Variants in WDR24 observed in about 807,000 individuals in gnomAD.
WDR24 encodes the protein GATOR2 complex protein WDR24.
In WDR24, 32 loss-of-function variants were observed where a neutral mutation model predicts 66.7. The ratio of observed to expected loss-of-function variants is 0.48; its 90% CI spans 0.36 to 0.64. WDR24 has a LOEUF of 0.64. Among genes scored for constraint, WDR24 ranks in the 30% least tolerant of loss-of-function variants. The pLI is 0.00. For missense variants in WDR24, 978 were observed against 1,144.1 expected (o/e 0.85, Z 2.09); for synonymous variants, 565 against 469.1 (o/e 1.20, Z -2.64).
At chr16:686,023 C>G in intron 4 of WDR24, 33 bp from the exon 5 acceptor site, 1 of 1,612,722 alleles carries the variant, frequency 6.2e-7, no homozygotes, top group Non-Finnish European at 8.5e-7. Context: ...GGTGGGTGGG[C>G]TCGAGCAGCC....
Position 685,153 on chromosome 16 carries a change from G to T in WDR24, c.2043C>A (p.Ile681=). Residue 681 remains isoleucine (I), a synonymous_variant, in exon 8 of 9, where the codon ATC becomes ATA. Coordinates refer to ENST00000293883, the MANE Select transcript of WDR24 (RefSeq NM_032259.4). ...QTQEHWYTSY[I]DLLQRFRLWN... ...AGAGGCGGAAGCGCTGCAGCAGGTC[G>T]ATGTAGGAAGTGTACCAGTGCTCCT... The T allele has an allele frequency of 2.5e-6, 4 of 1,575,102 alleles. No homozygotes were observed. Among genetic ancestry groups the T allele is most frequent in the Non-Finnish European group, 3.4e-6 (4 of 1,161,548 alleles).
At position 684,981 on chromosome 16, in the gene WDR24, C is replaced by T. The variant is rs2039869527; in HGVS notation, c.2204+11G>A. On this transcript the variant is annotated intron_variant, in intron 8 of 8. Transcript: ENST00000293883. ...AGGCCCCTGCCCCACCTCCCGACCC[C>T]ACTGCCCCACCTGTCGCAGACCCAG... The T allele has an allele frequency of 1.9e-6, 3 of 1,542,072 alleles. No individual in the cohort carries two copies. Among genetic ancestry groups the T allele is most frequent in the South Asian group, 1.2e-5 (1 of 84,156 alleles).
intron 3 of WDR24, 60 bp from the exon 4 acceptor site, chr16:686,246 C>T (rs2039904829): frequency 1.3e-6 from 2 of 1,559,126 alleles, no homozygotes; most frequent in South Asian, 1.2e-5. Context: ...CATGCAGGTC[C>T]CTCTCTGCCT....
At position 687,347 on chromosome 16, in the gene WDR24, C is replaced by T. The variant is rs2039920986; in HGVS notation, c.729G>A (p.Lys243=). ...CGATGGTCTGCACACAGTGCATCTCCTTGGCACGGTGCGTGGTCATGTCCC... is the reference window on the plus strand; with the variant it reads ...CGATGGTCTGCACACAGTGCATCTCTTTGGCACGGTGCGTGGTCATGTCCC... ...KVWDMTTHRA[K]EMHCVQTIAS... is the part of the protein sequence containing the mutation. Residue 243 remains lysine, a synonymous_variant, in exon 3 of 9, where the codon AAG becomes AAA. Transcript: ENST00000293883. 1.9e-6 allele frequency: 3 copies of T among 1,605,266 alleles called. No individual in the cohort carries two copies. The highest frequency in any genetic ancestry group is 2.6e-6 in the Non-Finnish European group (3 of 1,175,306).
rs1369215886 is a variant in WDR24 at position 687,182 on chromosome 16, G to A, written c.894C>T (p.Asp298=). 9.3e-6 allele frequency: 15 copies of A among 1,612,740 alleles called. No homozygotes were observed. The Admixed American group carries it at 1.0e-4, about 11-fold the overall frequency. ...GGCGCCAGGCAATTCCCGTGGTGAC[G>A]TCTCGGTGTTCCTCAAACATGGCAG... The part of the protein sequence containing the change: ...VPAAMFEEHR[D]VTTGIAWRHP... Residue 298 remains aspartate (D), a synonymous_variant, in exon 3 of 9, where the codon GAC becomes GAT. Transcript: ENST00000293883.
In WDR24 at chr16:690,183, G is replaced by GAGCTACTT; in HGVS notation, c.-551_-544dup. On this transcript the variant is annotated 5_prime_UTR_variant, in exon 1 of 9. Transcript: ENST00000293883. The stretch of plus-strand genomic sequence containing the variant: ...AGGGCCCAGAGGGACGTCAAGGACC[G>GAGCTACTT]AGCTACTTAAGGAGCTCGAGGTGTC... The GAGCTACTT allele has an allele frequency of 2.5e-6, 1 of 400,380 alleles. No homozygotes were observed. Among genetic ancestry groups the GAGCTACTT allele is most frequent in the Non-Finnish European group, 5.0e-6 (1 of 201,296 alleles). The allele number at this position is 400,380 out of a possible 1,614,324, so 24.8% of individuals were successfully genotyped here. A position where few individuals can be genotyped will look rare whatever the true frequency, so the allele number is the denominator to read the frequency against.
rs765938936 is a variant in WDR24 at position 685,627 on chromosome 16, A to T, written c.1679-30T>A. ...AAGGCAGGGACCAGCGGAGGCTCTG[A>T]GTCTGTCCTCCATCCGCCTCTGAAC... On this transcript the variant is annotated intron_variant, in intron 6 of 8. Transcript: ENST00000293883. The T allele has an allele frequency of 3.7e-6, 6 of 1,609,846 alleles. No individual in the cohort carries two copies. The South Asian group carries it at 6.6e-5, about 18-fold the overall frequency.
chr16:685,435 AAGG>A lies in WDR24; in HGVS notation c.1838_1840del (p.Ser613del), dbSNP rs767960905. On this transcript the variant is annotated inframe_deletion, in exon 7 of 9. Coordinates refer to ENST00000293883, the MANE Select transcript of WDR24 (RefSeq NM_032259.4). ...CGCGTGTGAGACAGACAGGAGCGAG[AAGG>A]AGGAGTCCACGGGGGCCAGGGAGGC... is the stretch of plus-strand genomic sequence containing the variant. 2.6e-5 allele frequency: 42 copies of A among 1,610,548 alleles called. No homozygotes were observed. The highest frequency in any genetic ancestry group is 1.3e-4 in the Admixed American group (8 of 59,962).
rs761515660 is a variant in WDR24 at position 685,462 on chromosome 16, G to A, written c.1814C>T (p.Ala605Val). ...PHVSGSEADVASLAPVDSSFS... is the reference protein window; with the variant it reads ...PHVSGSEADVVSLAPVDSSFS... ...GGAGGAGTCCACGGGGGCCAGGGAG[G>A]CCACATCCGCCTCGCTGCCGCTCAC... Residue 605 changes from alanine (A) to valine (V), a missense_variant, in exon 7 of 9, where the codon GCC (alanine) becomes GTC (valine). This residue lies in a region of WDR24 where 676 missense variants were observed against 617.5 expected (regional missense o/e 1.09). Transcript: ENST00000293883. 2.5e-6 allele frequency: 4 copies of A among 1,604,052 alleles called. No individual in the cohort carries two copies. The highest frequency in any genetic ancestry group is 3.4e-6 in the Non-Finnish European group (4 of 1,173,054).
In WDR24 at chr16:688,007, G is replaced by C. The variant is rs1001429415; in HGVS notation, c.482-268C>G. On this transcript the variant is annotated intron_variant, in intron 1 of 8. Transcript: ENST00000293883. ...GATTCTGCATCCTGCATCGGTCCAT[G>C]AGCAAAGCTGTGGTGCAGCCTCAGG... The C allele has an allele frequency of 8.1e-6, 5 of 618,888 alleles. No individual in the cohort carries two copies. The African/African-American group carries it at 9.0e-5, about 11-fold the overall frequency. 38.3% of individuals were successfully genotyped at this position (618,888 alleles called of 1,614,324 possible). A position where few individuals can be genotyped will look rare whatever the true frequency, so the allele number is the denominator to read the frequency against.
At position 689,556 on chromosome 16, in the gene WDR24, C is replaced by T. The variant is rs758235310; in HGVS notation, c.85G>A (p.Ala29Thr). ...RTMHCHLDAP[A>T]NAISVCRDAA... ...TCGCGGCACACACTGATGGCATTGG[C>T]GGGAGCATCCAGGTGGCAGTGCATG... Residue 29 changes from alanine to threonine, a missense_variant, in exon 1 of 9, where the codon GCC becomes ACC. Ala to Thr is a moderately conservative substitution (Grantham distance 58). Coordinates refer to ENST00000293883, the MANE Select transcript of WDR24 (RefSeq NM_032259.4). 8 of 1,613,094 alleles carry T rather than the reference C, an allele frequency of 5.0e-6. No homozygotes were observed. The highest frequency in any genetic ancestry group is 3.3e-5 in the Admixed American group (2 of 60,026).
rs2039867294 is a variant in WDR24 at position 684,895 on chromosome 16, G to A, written c.2212C>T (p.Arg738Cys). 6.5e-7 allele frequency: 1 copy of A among 1,540,740 alleles called. No homozygotes were observed. The highest frequency in any genetic ancestry group is 1.2e-5 in the South Asian group (1 of 83,668). The change falls in exon 9 of 9, where the codon CGC becomes TGC. Residue 738 changes from arginine (R) to cysteine (C), a missense_variant. Physicochemically the swap from Arg to Cys is radical, Grantham distance 180. Coordinates refer to ENST00000293883, the MANE Select transcript of WDR24 (RefSeq NM_032259.4). ...SRGWVCDRCH[R>C]CASMCAVCHH... ...CAGACGGCACACATGCTGGCGCAGC[G>A]GTGGCACCTGGGGGCGGGCGGGAGG...
chr16:688,082 A>G (rs1224503528), intron 1 of WDR24: 2 of 487,374 alleles, frequency 4.1e-6, no homozygotes, highest in East Asian at 1.2e-4. Flanking sequence ...GCCATCGCCC[A>G]CTCCCGTGGC....
At position 686,954 on chromosome 16, in the gene WDR24, G is replaced by A; in HGVS notation, c.1122C>T (p.Arg374=). The change falls in exon 3 of 9, where the codon CGC becomes CGT. Residue 374 remains arginine (R), a synonymous_variant. Coordinates refer to ENST00000293883, the MANE Select transcript of WDR24 (RefSeq NM_032259.4). Reference sequence around the variant, plus strand: ...GCTTGCGCTTAAAGAAGATGGGGTGGCGCCGGTCGCCAGTGTAGGGCTTGC... The same window carrying A: ...GCTTGCGCTTAAAGAAGATGGGGTGACGCCGGTCGCCAGTGTAGGGCTTGC... The part of the protein sequence containing the change: ...SGRKPYTGDR[R]HPIFFKRKLD... 6.3e-7 allele frequency: 1 copy of A among 1,599,742 alleles called. No individual in the cohort carries two copies. The highest frequency in any genetic ancestry group is 1.3e-5 in the African/African-American group (1 of 74,934).
chr16:686,107 A>C lies in WDR24; in HGVS notation c.1412T>G (p.Val471Gly), dbSNP rs1180400837. The change falls in exon 4 of 9, where the codon GTG (valine) becomes GGG (glycine). Residue 471 changes from valine to glycine, a missense_variant. Around this residue, in one of 2 missense-constraint regions of WDR24, gnomAD observed 676 missense variants for 617.5 expected, o/e 1.09. Coordinates refer to ENST00000293883, the MANE Select transcript of WDR24 (RefSeq NM_032259.4). Reference sequence around the variant, plus strand: ...GAGGCCACAGGAGCCACCCTTGCCCACACTGTGGTTGAGGTTTGCAGTGGG... The same window carrying C: ...GAGGCCACAGGAGCCACCCTTGCCCCCACTGTGGTTGAGGTTTGCAGTGGG... ...LVPTANLNHS[V>G]GKGGSCGLPL... The C allele has an allele frequency of 6.2e-7, 1 of 1,613,104 alleles. No homozygotes were observed. Among genetic ancestry groups the C allele is most frequent in the Non-Finnish European group, 8.5e-7 (1 of 1,179,980 alleles).
Position 687,735 on chromosome 16 carries a change from C to T in WDR24, c.486G>A (p.Gln162=), listed in dbSNP as rs1409219587. 1.2e-6 allele frequency: 2 copies of T among 1,612,702 alleles called. No individual in the cohort carries two copies. Among genetic ancestry groups the T allele is most frequent in the Non-Finnish European group, 1.7e-6 (2 of 1,179,706 alleles). ...RKDSVSTFSG[Q]SESVRDVQFS... ...ACTGCACGTCCCGCACGCTCTCCGA[C>T]TGGCCTGCAGGCAGGAGGTCGATGC... Residue 162 remains glutamine, a synonymous_variant, in exon 2 of 9, where the codon CAG becomes CAA. Coordinates refer to ENST00000293883, the MANE Select transcript of WDR24 (RefSeq NM_032259.4).
Position 687,089 on chromosome 16 carries a change from G to A in WDR24, c.987C>T (p.Arg329=), listed in dbSNP as rs770052165. 8.1e-6 allele frequency: 13 copies of A among 1,608,320 alleles called. No individual in the cohort carries two copies. The highest frequency in any genetic ancestry group is 3.3e-4 in the Middle Eastern group (2 of 6,080). Residue 329 remains arginine, a synonymous_variant, in exon 3 of 9, where the codon CGC becomes CGT. Transcript: ENST00000293883. The stretch of plus-strand genomic sequence containing the variant: ...CGCGCTCGACGGGCTGGCTGGCGTC[G>A]CGGAACAGGTGCTGGCACAGCGAGC... ...KDSSLCQHLF[R]DASQPVERAN...
chr16:686,638 T>C, intron 3 of WDR24, 106 bp downstream of exon 3: 1 of 1,365,974 alleles, frequency 7.3e-7, no homozygotes, highest in Non-Finnish European at 9.9e-7. Flanking sequence ...TGCGACTGGC[T>C]GGAGTCCATT....
Position 685,375 on chromosome 16 carries a change from C to A in WDR24, c.1901G>T (p.Gly634Val). ...YDSRLPPDFF[G>V]VLVRDMLHFY... ...GTGCAGCATGTCGCGCACCAGCACG[C>A]CGAAGAAGTCGGGCGGCAGGCGGCT... Residue 634 changes from glycine to valine, a missense_variant, in exon 7 of 9, where the codon GGC becomes GTC. By Grantham distance (109) the Gly-to-Val change is moderately radical (BLOSUM62 -3). Transcript: ENST00000293883. The A allele has an allele frequency of 6.2e-7, 1 of 1,612,244 alleles. No individual in the cohort carries two copies. Among genetic ancestry groups the A allele is most frequent in the Non-Finnish European group, 8.5e-7 (1 of 1,179,876 alleles).
Sources: allele counts gnomAD v4.1 joint callset, GRCh38; gene constraint gnomAD v4.1.1; regional missense constraint gnomAD v4.1.1; transcripts MANE v1.5; gene names NCBI Gene and HGNC (gene_info 2026-07-23, HGNC 2026-07-21).